ZNF346: variants seen among roughly 807,000 people sequenced by gnomAD.
ZNF346 encodes the protein double-stranded RNA-binding zinc finger protein JAZ.
ZNF346 carries 23 observed loss-of-function variants against 33.7 expected under a neutral mutation model. The ratio of observed to expected loss-of-function variants is 0.68; its 90% CI spans 0.49 to 0.97. The LOEUF (loss-of-function observed/expected upper bound fraction) is 0.97, where lower values mean the gene tolerates loss of function less well. Among genes scored for constraint, ZNF346 ranks in the 50% least tolerant of loss-of-function variants. The probability of loss-of-function intolerance (pLI) is 0.00; values close to 1 mark genes in which losing one functional copy is unlikely to be tolerated. For synonymous variants in ZNF346, 134 were observed against 142.4 expected (o/e 0.94, Z 0.42); for missense variants, 340 against 371.1 (o/e 0.92, Z 0.69).
intron 4 of ZNF346, among the ~76,000 whole-genome samples, chr5:177,049,500 A>T (rs577520451): frequency 2.4e-4 from 37 of 152,322 alleles, no homozygotes; most frequent in African/African-American, 8.7e-4. Flanking sequence ...CCTAGAGTCA[A>T]CATCAAGCCA....
chr5:177,079,641 T>C (rs1783903783), exon 9 of ZNF346: 1 of 152,212 alleles, frequency 6.6e-6, no homozygotes, highest in African/African-American at 2.4e-5. Flanking sequence ...TAGGCCCTGC[T>C]CACTTAGGTT....
chr5:177,050,189 A>G (rs1581895075), intron 4 of ZNF346, among the ~76,000 whole-genome samples: 1 of 152,212 alleles, frequency 6.6e-6, no homozygotes, highest in Non-Finnish European at 1.5e-5. Flanking sequence ...AATGTAGCCT[A>G]AAAGGCATCC....
At chr5:177,071,948 C>T (rs1783527564), downstream of ZNF346, among the ~76,000 whole-genome samples, 2 of 152,206 alleles carry the variant, frequency 1.3e-5, no homozygotes, top group South Asian at 4.1e-4. Context: ...GCTGCTTCAT[C>T]TGTCTAGGAA....
chr5:177,046,126 C>G (rs915343537), intron 4 of ZNF346, among the ~76,000 whole-genome samples: 2 of 151,776 alleles, frequency 1.3e-5, no homozygotes, highest in Admixed American at 1.3e-4. Context: ...ACGGTGAAAC[C>G]CAATCTCTAC....
chr5:177,043,775 A>C (rs1468839877), intron 3 of ZNF346, among the ~76,000 whole-genome samples: 1 of 151,534 alleles, frequency 6.6e-6, no homozygotes, highest in African/African-American at 2.4e-5. Flanking sequence ...AAAAAAAAAA[A>C]CCTAATGGTC....
intron 1 of ZNF346, among the ~76,000 whole-genome samples, chr5:177,024,305 A>G (rs1396785255): frequency 7.0e-6 from 1 of 142,728 alleles, no homozygotes; most frequent in African/African-American, 2.6e-5. Context: ...AAGCAATTCT[A>G]TACTGCCTCA....
chr5:177,039,538 C>T (rs985009965), intron 1 of ZNF346, among the ~76,000 whole-genome samples: 4 of 151,996 alleles, frequency 2.6e-5, no homozygotes, highest in African/African-American at 9.7e-5. Flanking sequence ...TAGCCTTGAC[C>T]TCCTGAGCTC....
chr5:177,080,499 A>G (rs907721517), exon 9 of ZNF346: 9 of 152,236 alleles, frequency 5.9e-5, no homozygotes, highest in African/African-American at 1.9e-4. Flanking sequence ...CGTGACCACA[A>G]AGAGTTTTCG....
chr5:177,050,962 A>G, intron 5 of ZNF346, 26 bp downstream of exon 5: 1 of 1,595,760 alleles, frequency 6.3e-7, no homozygotes, highest in Non-Finnish European at 8.6e-7. Flanking sequence ...TCACACCCAG[A>G]GCTGGACCAG....
intron 5 of ZNF346, among the ~76,000 whole-genome samples, chr5:177,057,457 C>T (rs1184909333): frequency 1.3e-5 from 2 of 151,916 alleles, no homozygotes; most frequent in East Asian, 3.9e-4. Flanking sequence ...GTGTTCTCAG[C>T]CGGGCGTGGT....
rs544765710 is a variant in ZNF346 at position 177,040,379 on chromosome 5, T to C, written c.176-747T>C. 3.9e-5 allele frequency among the ~76,000 whole-genome samples: 6 copies of C among 152,240 alleles called. No individual in the cohort carries two copies. In the South Asian group the frequency reaches 6.2e-4, roughly 16 times the overall value. ...TATTTATTTAGAGACAGAGTCTAGC[T>C]CTGTCACCCAAGTTGGAGTTAGTGG... On this transcript the variant is annotated intron_variant, in intron 1 of 6. Transcript: ENST00000358149.
At position 177,065,686 on chromosome 5, in the gene ZNF346, C is replaced by T. The variant is rs1045493594; in HGVS notation, c.*1087C>T. 1 of 152,502 alleles carries T rather than the reference C, an allele frequency of 6.6e-6. No homozygotes were observed. The highest frequency in any genetic ancestry group is 1.5e-5 in the Non-Finnish European group (1 of 68,030). 9.4% of individuals were successfully genotyped at this position (152,502 alleles called of 1,614,324 possible). ...TGTGTTTTATGGCCTGGGACTGAGT[C>T]CACACGGATAGATTTTTCCTTGTAA... On this transcript the variant is annotated 3_prime_UTR_variant, in exon 7 of 7. Transcript: ENST00000358149.
At chr5:177,068,751 A>G (rs1783354384), downstream of ZNF346, among the ~76,000 whole-genome samples, 1 of 142,910 alleles carries the variant, frequency 7.0e-6, no homozygotes, top group Admixed American at 6.7e-5. Flanking sequence ...AGAAGGTTGT[A>G]GGGCTCTTTC....
At chr5:177,054,863 T>C (rs1009177477) in intron 5 of ZNF346, among the ~76,000 whole-genome samples, 1 of 152,158 alleles carries the variant, frequency 6.6e-6, no homozygotes, top group Non-Finnish European at 1.5e-5. Flanking sequence ...TGAACTTAAC[T>C]AATTCAATTT....
chr5:177,037,881 C>G (rs923980006), intron 1 of ZNF346, among the ~76,000 whole-genome samples: 1 of 152,142 alleles, frequency 6.6e-6, no homozygotes, highest in Non-Finnish European at 1.5e-5. Context: ...TCAACATCAT[C>G]TACTAGGCCT....
At chr5:177,026,573 A>G (rs61132241) in intron 1 of ZNF346, among the ~76,000 whole-genome samples, 21,685 of 150,872 alleles carry the variant, frequency 0.14, 3,332 homozygotes, top group African/African-American at 0.39. Flanking sequence ...TGTTGGCCAG[A>G]CTGGTCTTGA....
intron 4 of ZNF346, among the ~76,000 whole-genome samples, chr5:177,046,142 A>T (rs1480781789): frequency 6.6e-6 from 1 of 151,976 alleles, no homozygotes; most frequent in Non-Finnish European, 1.5e-5. Flanking sequence ...TCTACTAAAA[A>T]TAACAAAAAT....
At chr5:177,060,426 C>A (rs1782345663) in intron 5 of ZNF346, among the ~76,000 whole-genome samples, 1 of 151,956 alleles carries the variant, frequency 6.6e-6, no homozygotes, top group Non-Finnish European at 1.5e-5. Context: ...GAGGCTGAAG[C>A]AGGAGAATTG....
downstream of ZNF346, among the ~76,000 whole-genome samples, chr5:177,070,553 G>T (rs1783453504): frequency 6.6e-6 from 1 of 152,128 alleles, no homozygotes; most frequent in Non-Finnish European, 1.5e-5. Flanking sequence ...CTGCCTCGGG[G>T]TGGAACATTA....
Sources: gnomAD v4.1 joint callset for allele counts (sites outside exome capture counted in the v4.1 genomes callset) on GRCh38, gnomAD v4.1.1 for gene constraint, MANE v1.5 for transcripts, NCBI Gene and HGNC (gene_info 2026-07-23, HGNC 2026-07-21) for gene names.